KDM4C: variants seen among roughly 807,000 people sequenced by gnomAD.
KDM4C encodes lysine demethylase 4C.
A neutral mutation model predicts 129.3 loss-of-function variants in KDM4C; 81 were observed. The ratio of observed to expected loss-of-function variants is 0.63; its 90% CI spans 0.52 to 0.75. The LOEUF (loss-of-function observed/expected upper bound fraction) is 0.75, where lower values mean the gene tolerates loss of function less well. Among genes scored for constraint, KDM4C ranks in the 30% least tolerant of loss-of-function variants. The pLI is 0.00. For missense variants in KDM4C, 1,457 were observed against 1,304.0 expected (o/e 1.12, Z -1.81); for synonymous variants, 573 against 456.1 (o/e 1.26, Z -3.26).
intron 19 of KDM4C, among the ~76,000 whole-genome samples, chr9:7,153,313 A>C (rs755387190): frequency 1.3e-5 from 2 of 152,198 alleles, no homozygotes; most frequent in Non-Finnish European, 2.9e-5. Context: ...ATGTTTAACA[A>C]GCAGTCCAAA....
At chr9:6,756,744 G>C (rs557507733), upstream of KDM4C, among the ~76,000 whole-genome samples, 1 of 152,070 alleles carries the variant, frequency 6.6e-6, no homozygotes, top group Non-Finnish European at 1.5e-5. Context: ...TGTGTGTAGC[G>C]GAACTTTGTT....
Position 6,959,807 on chromosome 9 carries a change from A to T in KDM4C, c.922-21118A>T, listed in dbSNP as rs148506571. 2.5e-3 allele frequency among the ~76,000 whole-genome samples: 381 copies of T among 152,288 alleles called. 1 individual carries two copies. Among genetic ancestry groups the T allele is most frequent in the African/African-American group, 8.8e-3 (367 of 41,566 alleles). On this transcript the variant is annotated intron_variant, in intron 8 of 21. Transcript: ENST00000381309. ...TATATGTCTTCCTTTCAGTTGTAAT[A>T]AAAGGAAATGCCTGTCAACTTAATT...
At chr9:6,827,634 C>T (rs1446236533) in intron 4 of KDM4C, among the ~76,000 whole-genome samples, 2 of 152,198 alleles carry the variant, frequency 1.3e-5, no homozygotes, top group Admixed American at 6.5e-5. Context: ...AGGAGAGTTC[C>T]TTTCCATTTT....
intron 8 of KDM4C, among the ~76,000 whole-genome samples, chr9:6,970,791 C>G (rs1016228560): frequency 7.3e-6 from 1 of 136,884 alleles, no homozygotes; most frequent in African/African-American, 2.6e-5. Flanking sequence ...AACAGTATTC[C>G]CACCCCCCGC....
At chr9:6,840,198 G>T (rs976654059) in intron 4 of KDM4C, among the ~76,000 whole-genome samples, 1 of 151,680 alleles carries the variant, frequency 6.6e-6, no homozygotes, top group Non-Finnish European at 1.5e-5. Context: ...TCAGCCTCCT[G>T]AGTAGCTAGG....
At chr9:6,963,545 A>C (rs561589322) in intron 8 of KDM4C, among the ~76,000 whole-genome samples, 2 of 152,364 alleles carry the variant, frequency 1.3e-5, no homozygotes, top group African/African-American at 4.8e-5. Flanking sequence ...AATATGAAGC[A>C]TGTTAGCTAG....
At chr9:6,750,035 A>C (rs558748113) in intron 1 of KDM4C, among the ~76,000 whole-genome samples, 1 of 151,764 alleles carries the variant, frequency 6.6e-6, no homozygotes, top group Non-Finnish European at 1.5e-5. Flanking sequence ...AGCCAGAGGA[A>C]AATGTACTTG....
At chr9:6,838,447 A>T (rs1161453220) in intron 4 of KDM4C, among the ~76,000 whole-genome samples, 1 of 152,122 alleles carries the variant, frequency 6.6e-6, no homozygotes, top group Admixed American at 6.6e-5. Context: ...TCTGCCTGGA[A>T]CCAGGAAACT....
intron 18 of KDM4C, among the ~76,000 whole-genome samples, chr9:7,115,725 C>T (rs949264543): frequency 3.3e-5 from 5 of 152,206 alleles, no homozygotes; most frequent in Admixed American, 6.5e-5. Flanking sequence ...TGTATGTCCA[C>T]TTTCAACAAA....
At chr9:6,869,084 A>G (rs147053985) in intron 5 of KDM4C, among the ~76,000 whole-genome samples, 1 of 152,214 alleles carries the variant, frequency 6.6e-6, no homozygotes, top group Admixed American at 6.5e-5. Flanking sequence ...GTATATGGTT[A>G]TCGAATTGTA....
chr9:7,126,686 G>C (rs181401239), intron 18 of KDM4C, among the ~76,000 whole-genome samples: 1 of 152,120 alleles, frequency 6.6e-6, no homozygotes, highest in Non-Finnish European at 1.5e-5. Flanking sequence ...GAAAGGTTGA[G>C]AATCAAAGAT....
chr9:6,876,935 A>G (rs1465443355), intron 5 of KDM4C, among the ~76,000 whole-genome samples: 4 of 152,134 alleles, frequency 2.6e-5, no homozygotes, highest in Admixed American at 2.6e-4. Flanking sequence ...GACATCAGGG[A>G]GGTTGTGGGG....
chr9:6,814,489 T>C, intron 3 of KDM4C, 142 bp from the exon 4 acceptor site: 1 of 523,642 alleles, frequency 1.9e-6, no homozygotes, highest in Non-Finnish European at 3.4e-6. Context: ...TCAGTTTGTA[T>C]GTTTACTTGT....
At chr9:7,153,830 G>T (rs1239810115) in intron 19 of KDM4C, among the ~76,000 whole-genome samples, 1 of 151,318 alleles carries the variant, frequency 6.6e-6, no homozygotes, top group East Asian at 1.9e-4. Flanking sequence ...CAAAAAGGAG[G>T]CTGTTCAGCT....
intron 12 of KDM4C, among the ~76,000 whole-genome samples, chr9:7,001,529 G>T (rs1453549483): frequency 6.6e-6 from 1 of 152,216 alleles, no homozygotes; most frequent in Non-Finnish European, 1.5e-5. Flanking sequence ...AAGATGTATA[G>T]CCTTGTTCTC....
rs527578946 is a variant in KDM4C at position 6,926,174 on chromosome 9, G to A, written c.921+32942G>A. Among the ~76,000 whole-genome samples, 98 of 152,036 alleles carry A rather than the reference G, an allele frequency of 6.4e-4. 2 individuals are homozygous for A. The South Asian group carries it at 0.018, about 28-fold the overall frequency. On this transcript the variant is annotated intron_variant, in intron 8 of 21. Coordinates refer to ENST00000381309, the MANE Select transcript of KDM4C (RefSeq NM_015061.6). ...AGCAGATTACCCAGTTTGGCGTCAA[G>A]GGGCTGTTAGGCATTCCTTCTTCCA...
At chr9:7,010,898 G>T (rs1038187574) in intron 12 of KDM4C, among the ~76,000 whole-genome samples, 2 of 152,006 alleles carry the variant, frequency 1.3e-5, no homozygotes, top group South Asian at 2.1e-4. Context: ...AAAAAAATTC[G>T]CTAGGCATGG....
intron 17 of KDM4C, chr9:7,077,034 CA>C: frequency 1.0e-6 from 1 of 985,468 alleles, no homozygotes; most frequent in Non-Finnish European, 1.2e-6. Flanking sequence ...TGCTGCACAA[CA>C]AAGCAACTGA....
At chr9:6,761,232 C>T (rs1346266852) in intron 1 of KDM4C, among the ~76,000 whole-genome samples, 1 of 152,074 alleles carries the variant, frequency 6.6e-6, no homozygotes, top group African/African-American at 2.4e-5. Flanking sequence ...TGGTCTCGAA[C>T]TCCTGACCTC....
Sources: gnomAD v4.1 joint callset for allele counts (sites outside exome capture counted in the v4.1 genomes callset) on GRCh38, gnomAD v4.1.1 for gene constraint, MANE v1.5 for transcripts, NCBI Gene and HGNC (gene_info 2026-07-23, HGNC 2026-07-21) for gene names.